The following OXR1 variants were observed in gnomAD, a reference collection of about 807,000 sequenced individuals.
OXR1 encodes oxidation resistance 1.
A neutral mutation model predicts 104.6 loss-of-function variants in OXR1; 41 were observed. The ratio of observed to expected loss-of-function variants is 0.39; its 90% CI spans 0.31 to 0.51. OXR1 has a LOEUF of 0.51. Ranked by LOEUF, OXR1 falls within the 20% of genes least tolerant of loss-of-function variation. OXR1 has a pLI of 0.77. For synonymous variants in OXR1, 348 were observed against 348.4 expected, an observed-to-expected ratio of 1.00 and a Z score of 0.01; for missense variants, 955 against 1,031.9, an observed-to-expected ratio of 0.93 and a Z score of 1.02.
chr8:106,411,153 A>G (rs1316177959), intron 2 of OXR1, among the ~76,000 whole-genome samples: 1 of 152,186 alleles, frequency 6.6e-6, no homozygotes, highest in Non-Finnish European at 1.5e-5. Flanking sequence ...GATCTAGTGT[A>G]CAGGAAAGAG....
intron 2 of OXR1, among the ~76,000 whole-genome samples, chr8:106,377,427 C>A (rs1816953853): frequency 6.6e-6 from 1 of 152,272 alleles, no homozygotes; most frequent in East Asian, 1.9e-4. Context: ...TTCAAGCAAT[C>A]CTCCCATCTT....
intron 4 of OXR1, among the ~76,000 whole-genome samples, chr8:106,682,707 C>T (rs971723993): frequency 5.3e-5 from 8 of 152,002 alleles, no homozygotes; most frequent in African/African-American, 1.9e-4. Context: ...TGGAAACGTA[C>T]GAATGATTCA....
chr8:106,693,424 C>CTTT lies in OXR1; in HGVS notation c.675+567_675+569dup, dbSNP rs11384137. On this transcript the variant is annotated intron_variant, in intron 7 of 16. Coordinates refer to ENST00000517566, the MANE Select transcript of OXR1 (RefSeq NM_001198533.2). Reference sequence around the variant, plus strand: ...GCCAGAATTCAAACCTAGTCAGAATCTTTTTTTTTTTTTTTTTTTTTTGAG... The same window carrying CTTT: ...GCCAGAATTCAAACCTAGTCAGAATCTTTTTTTTTTTTTTTTTTTTTTTTTGAG... Among the ~76,000 whole-genome samples, 861 of 97,372 alleles carry CTTT rather than the reference C, an allele frequency of 8.8e-3. 2 individuals are homozygous for CTTT. The highest frequency in any genetic ancestry group is 0.011 in the African/African-American group (267 of 24,212). The allele number at this position is 97,372 out of a possible 152,430, so 63.9% of individuals were successfully genotyped here.
At chr8:106,513,430 C>A (rs1812665448) in intron 2 of OXR1, among the ~76,000 whole-genome samples, 1 of 152,088 alleles carries the variant, frequency 6.6e-6, no homozygotes, top group Non-Finnish European at 1.5e-5. Flanking sequence ...CACACACACA[C>A]ACTCAGGTGA....
At chr8:106,738,632 A>G (rs1043741358) in intron 12 of OXR1, among the ~76,000 whole-genome samples, 1 of 151,040 alleles carries the variant, frequency 6.6e-6, no homozygotes, top group African/African-American at 2.4e-5. Flanking sequence ...TATGTTTTAT[A>G]TATTAAAATA....
At chr8:106,373,193 C>G (rs1037407948) in intron 2 of OXR1, among the ~76,000 whole-genome samples, 1 of 152,038 alleles carries the variant, frequency 6.6e-6, no homozygotes, top group African/African-American at 2.4e-5. Context: ...ACTTGAGTAT[C>G]CTTGGATTTA....
chr8:106,302,585 CAAAAA>C (rs201231695), intron 1 of OXR1, among the ~76,000 whole-genome samples: 1 of 125,466 alleles, frequency 8.0e-6, no homozygotes. Flanking sequence ...GATGCTGTCT[CAAAAA>C]AAAAAAAAAC....
At chr8:106,592,830 A>G (rs1819201077) in intron 3 of OXR1, among the ~76,000 whole-genome samples, 1 of 152,188 alleles carries the variant, frequency 6.6e-6, no homozygotes, top group African/African-American at 2.4e-5. Context: ...TTATGGTATA[A>G]GGAGCTCACT....
rs140810045 is a variant in OXR1, at chr8:106,507,358, A to G, written c.24-11585A>G. The stretch of plus-strand genomic sequence containing the variant: ...ATGGAGAGATTAAGTAATTTGCCCA[A>G]GATCCCATAATAAGAAGGCAAGTGT... On this transcript the variant is annotated intron_variant, in intron 2 of 16. Transcript: ENST00000517566. Among the ~76,000 whole-genome samples the G allele has an allele frequency of 1.3e-3, 193 of 152,344 alleles. 6 individuals are homozygous for G. The East Asian group carries it at 0.03, about 23-fold the overall frequency.
chr8:106,453,403 A>G (rs1820431617), intron 2 of OXR1, among the ~76,000 whole-genome samples: 1 of 152,234 alleles, frequency 6.6e-6, no homozygotes, highest in African/African-American at 2.4e-5. Context: ...GTATATTTCC[A>G]TCAATGTGAA....
intron 3 of OXR1, among the ~76,000 whole-genome samples, chr8:106,631,429 G>A (rs1822676022): frequency 6.6e-6 from 1 of 152,188 alleles, no homozygotes; most frequent in South Asian, 2.1e-4. Flanking sequence ...AAATTAAGGT[G>A]GCAATGTAAA....
intron 3 of OXR1, among the ~76,000 whole-genome samples, chr8:106,628,642 C>T (rs79975754): frequency 0.017 from 2,633 of 152,262 alleles, 56 homozygotes; most frequent in African/African-American, 0.06. Context: ...TTTCCTTGCC[C>T]TCCAAGGTTA....
intron 3 of OXR1, among the ~76,000 whole-genome samples, chr8:106,551,860 A>ATGTGTGTGTGTGTGTG: frequency 7.9e-6 from 1 of 126,576 alleles, no homozygotes; most frequent in Admixed American, 8.4e-5. Flanking sequence ...GTGTATATAT[A>ATGTGTGTGTGTGTGTG]TGTGTGTGTG....
At chr8:106,557,052 TTC>T (rs1446665846) in intron 3 of OXR1, among the ~76,000 whole-genome samples, 3 of 152,218 alleles carry the variant, frequency 2.0e-5, no homozygotes, top group Non-Finnish European at 4.4e-5. Flanking sequence ...ATGAATCTAA[TTC>T]TTTCTTTTTC....
chr8:106,319,637 C>T (rs968734286), intron 1 of OXR1, among the ~76,000 whole-genome samples: 1 of 152,166 alleles, frequency 6.6e-6, no homozygotes, highest in Admixed American at 6.5e-5. Flanking sequence ...AACTTATCTT[C>T]CTGACAAAAA....
At chr8:106,526,609 C>T (rs1394743356) in intron 3 of OXR1, among the ~76,000 whole-genome samples, 1 of 152,236 alleles carries the variant, frequency 6.6e-6, no homozygotes, top group East Asian at 1.9e-4. Context: ...GTGGCGCAAT[C>T]TCGGCTCGCT....
intron 2 of OXR1, among the ~76,000 whole-genome samples, chr8:106,502,560 A>G (rs2053975): frequency 0.037 from 5,557 of 152,240 alleles, 370 homozygotes; most frequent in African/African-American, 0.13. Context: ...CTTATTTTTT[A>G]GCTAAATGTA....
At chr8:106,434,302 C>T (rs115229581) in intron 2 of OXR1, among the ~76,000 whole-genome samples, 1 of 152,150 alleles carries the variant, frequency 6.6e-6, no homozygotes, top group Non-Finnish European at 1.5e-5. Context: ...CATAGAGAAA[C>T]CTTTCAGAGA....
chr8:106,624,972 T>C (rs1822030275), intron 3 of OXR1, among the ~76,000 whole-genome samples: 1 of 152,064 alleles, frequency 6.6e-6, no homozygotes, highest in Non-Finnish European at 1.5e-5. Context: ...TTCTATTTTT[T>C]GTAGAGATGG....
Sources: allele counts gnomAD v4.1 joint callset (sites outside exome capture counted in the v4.1 genomes callset), GRCh38; gene constraint gnomAD v4.1.1; transcripts MANE v1.5; gene names NCBI Gene and HGNC (gene_info 2026-07-23, HGNC 2026-07-21).